The following VAC14 variants were observed in gnomAD, a reference collection of about 807,000 sequenced individuals.
The protein encoded by VAC14 is protein VAC14 homolog.
VAC14 carries 47 observed loss-of-function variants against 85.3 expected under a neutral mutation model. The observed-to-expected ratio is 0.55, with a 90% CI of 0.44 to 0.70. The LOEUF (loss-of-function observed/expected upper bound fraction) is 0.70. Ranked by LOEUF, VAC14 falls within the 30% of genes least tolerant of loss-of-function variation. The probability of loss-of-function intolerance (pLI) is 0.00; values close to 1 mark genes in which losing one functional copy is unlikely to be tolerated. For synonymous variants in VAC14, 447 were observed against 430.5 expected (o/e 1.04, Z -0.47); for missense variants, 861 against 1,004.3 (o/e 0.86, Z 1.93).
intron 12 of VAC14, among the ~76,000 whole-genome samples, chr16:70,746,276 C>T (rs909477673): frequency 6.6e-6 from 1 of 152,176 alleles, no homozygotes; most frequent in African/African-American, 2.4e-5. Context: ...CAGCCTCATC[C>T]AGGCAGGAGC....
chr16:70,770,117 C>G (rs1597980617), intron 10 of VAC14: 1 of 152,326 alleles, frequency 6.6e-6, no homozygotes, highest in East Asian at 1.9e-4. Flanking sequence ...ACCACCCCAC[C>G]CACACCTGCT....
At chr16:70,766,503 G>A in intron 10 of VAC14, 1 of 456,790 alleles carries the variant, frequency 2.2e-6, no homozygotes, top group Non-Finnish European at 4.4e-6. Context: ...TACTGAGGCG[G>A]TCCTGCCGCA....
At chr16:70,738,369 G>A (rs919032825) in intron 13 of VAC14, among the ~76,000 whole-genome samples, 6 of 152,222 alleles carry the variant, frequency 3.9e-5, no homozygotes, top group East Asian at 1.9e-4. Flanking sequence ...CAGGAGCGCC[G>A]GAGGCATCAA....
intron 14 of VAC14, among the ~76,000 whole-genome samples, chr16:70,720,548 TC>T (rs1385681152): frequency 2.0e-5 from 3 of 152,200 alleles, no homozygotes; most frequent in Admixed American, 2.0e-4. Flanking sequence ...GGCACCTTTC[TC>T]TCTGAAGCAG....
chr16:70,688,127 TC>T, intron 18 of VAC14, 37 bp from the exon 19 acceptor site: 1 of 1,498,260 alleles, frequency 6.7e-7, no homozygotes, highest in South Asian at 1.3e-5. Flanking sequence ...GTGTCAGGGA[TC>T]AGCTCACAGG....
intron 10 of VAC14, chr16:70,771,052 G>A (rs532572060): frequency 1.3e-5 from 2 of 152,234 alleles, no homozygotes; most frequent in East Asian, 3.9e-4. Context: ...TCAAGTTCAG[G>A]GGAAAGAAAC....
At chr16:70,760,277 C>A (rs372661334) in intron 12 of VAC14, among the ~76,000 whole-genome samples, 1 of 152,162 alleles carries the variant, frequency 6.6e-6, no homozygotes, top group Non-Finnish European at 1.5e-5. Context: ...TTTGGAAATA[C>A]TTGAAAAATC....
chr16:70,741,934 G>A (rs1200898065), intron 13 of VAC14, among the ~76,000 whole-genome samples: 1 of 152,196 alleles, frequency 6.6e-6, no homozygotes, highest in East Asian at 1.9e-4. Flanking sequence ...GGGCCCACCA[G>A]GGACCCCCGG....
chr16:70,690,504 C>T, intron 18 of VAC14: 1 of 985,684 alleles, frequency 1.0e-6, no homozygotes, highest in Non-Finnish European at 1.2e-6. Flanking sequence ...TAGAGGTTCC[C>T]TCCTGCCTTA....
intron 1 of VAC14, among the ~76,000 whole-genome samples, chr16:70,798,221 TAGGGTATCTTAA>T (rs138034052): frequency 0.042 from 6,317 of 152,092 alleles, 454 homozygotes; most frequent in African/African-American, 0.14. Flanking sequence ...TCTCAGGAAA[TAGGGTATCTTAA>T]AGGGGCAACT....
intron 13 of VAC14, among the ~76,000 whole-genome samples, chr16:70,732,406 A>G: frequency 6.6e-6 from 1 of 152,196 alleles, no homozygotes; most frequent in East Asian, 1.9e-4. Context: ...ACCGAGGTAC[A>G]GATACCACCA....
intron 3 of VAC14, 59 bp from the exon 4 acceptor site, chr16:70,784,897 A>G: frequency 2.0e-6 from 3 of 1,496,364 alleles, no homozygotes; most frequent in Middle Eastern, 1.8e-4. Context: ...TGGATGCAAG[A>G]CCAGGGATTT....
intron 10 of VAC14, chr16:70,771,737 G>A (rs1252354088): frequency 1.6e-5 from 3 of 190,702 alleles, no homozygotes; most frequent in Non-Finnish European, 3.3e-5. Context: ...ACGCCACCAG[G>A]CCCAGATAAT....
intron 14 of VAC14, among the ~76,000 whole-genome samples, chr16:70,724,476 C>A (rs2054371551): frequency 6.6e-6 from 1 of 152,220 alleles, no homozygotes; most frequent in Non-Finnish European, 1.5e-5. Flanking sequence ...TTGCACCTCA[C>A]AAGGTCATCT....
At chr16:70,705,407 C>T (rs1019057998) in intron 14 of VAC14, among the ~76,000 whole-genome samples, 2 of 152,378 alleles carry the variant, frequency 1.3e-5, no homozygotes, top group East Asian at 1.9e-4. Flanking sequence ...TGCCTCTCTG[C>T]GCAGGTGGGC....
At chr16:70,738,458 C>T (rs1042224831) in intron 13 of VAC14, among the ~76,000 whole-genome samples, 2 of 152,168 alleles carry the variant, frequency 1.3e-5, no homozygotes, top group African/African-American at 4.8e-5. Context: ...CCAGTGGGGA[C>T]TTCCAGCTGA....
intron 18 of VAC14, chr16:70,688,912 TGGA>T (rs2053547630): frequency 4.1e-6 from 4 of 985,496 alleles, no homozygotes; most frequent in Non-Finnish European, 4.8e-6. Context: ...CTCACTGGTT[TGGA>T]GGAGCAGATC....
chr16:70,796,073 G>A lies in VAC14; in HGVS notation c.104+4724C>T, dbSNP rs550313624. 4.6e-5 allele frequency among the ~76,000 whole-genome samples: 7 copies of A among 152,222 alleles called. 1 individual carries two copies. The South Asian group carries it at 1.0e-3, about 23-fold the overall frequency. On this transcript the variant is annotated intron_variant, in intron 1 of 18. Coordinates refer to ENST00000261776, the MANE Select transcript of VAC14 (RefSeq NM_018052.5). ...ATTAAAATTGAAAACCCACAAAACC[G>A]GCAACAGCCATGATAAAAATCCTAA... is the stretch of plus-strand genomic sequence containing the variant.
intron 12 of VAC14, among the ~76,000 whole-genome samples, chr16:70,754,761 C>T (rs986288810): frequency 2.6e-5 from 4 of 152,066 alleles, no homozygotes; most frequent in African/African-American, 9.7e-5. Flanking sequence ...TATCTTACTG[C>T]GTGATCTGAT....
Sources: gnomAD v4.1 joint callset for allele counts (sites outside exome capture counted in the v4.1 genomes callset) on GRCh38, gnomAD v4.1.1 for gene constraint, MANE v1.5 for transcripts, NCBI Gene and HGNC (gene_info 2026-07-23, HGNC 2026-07-21) for gene names.